The following KAZN variants were observed in gnomAD, a reference collection of about 807,000 sequenced individuals.
KAZN encodes kazrin.
Under a neutral mutation model 87.4 loss-of-function variants are expected in KAZN, and 40 were observed. The ratio of observed to expected loss-of-function variants is 0.46; its 90% CI spans 0.36 to 0.60. The LOEUF is 0.60. Among genes scored for constraint, KAZN ranks in the 20% least tolerant of loss-of-function variants. The pLI, the probability that KAZN is intolerant of heterozygous loss-of-function variation, is 0.00. For missense variants in KAZN, 898 were observed against 1,073.9 expected (o/e 0.84, Z 2.29); for synonymous variants, 466 against 458.3 (o/e 1.02, Z -0.22).
intron 1 of KAZN, among the ~76,000 whole-genome samples, chr1:14,882,734 A>G (rs1376702452): frequency 6.6e-6 from 1 of 152,100 alleles, no homozygotes; most frequent in Non-Finnish European, 1.5e-5. Context: ...ATTATAGCAC[A>G]GTTTTAAAAG....
intron 2 of KAZN, among the ~76,000 whole-genome samples, chr1:14,224,366 C>T (rs1477251450): frequency 6.6e-6 from 1 of 151,752 alleles, no homozygotes; most frequent in Non-Finnish European, 1.5e-5. Context: ...AAGGTTGTAC[C>T]GAAGCTGACA....
chr1:15,103,391 G>C lies in KAZN; in HGVS notation c.1812G>C (p.Thr604=). The C allele has an allele frequency of 6.4e-7, 1 of 1,552,112 alleles. No individual in the cohort carries two copies. Among genetic ancestry groups the C allele is most frequent in the Non-Finnish European group, 8.7e-7 (1 of 1,147,252 alleles). ...AGGAGCGCCGGGCCCGCTGCGAGAC[G>C]CAGAACATTGACCCCGTGGTGTGGA... ...ALQERRARCE[T]QNIDPVVWTN... is the part of the protein sequence containing the mutation. Residue 604 remains threonine (T), a synonymous_variant, in exon 12 of 15, where the codon ACG becomes ACC. Coordinates refer to ENST00000376030, the MANE Select transcript of KAZN (RefSeq NM_201628.3).
intron 2 of KAZN, among the ~76,000 whole-genome samples, chr1:14,324,288 G>T (rs1656248908): frequency 6.6e-6 from 1 of 152,180 alleles, no homozygotes; most frequent in South Asian, 2.1e-4. Context: ...GCACCTAAAT[G>T]AGGTCCCAAT....
chr1:13,935,079 A>G (rs1002360451), intron 1 of KAZN, among the ~76,000 whole-genome samples: 2 of 151,122 alleles, frequency 1.3e-5, no homozygotes, highest in Non-Finnish European at 2.9e-5. Context: ...TCTACTAAAG[A>G]TAGAAAAATT....
At chr1:14,481,954 G>A (rs1195150394) in intron 2 of KAZN, among the ~76,000 whole-genome samples, 4 of 152,204 alleles carry the variant, frequency 2.6e-5, no homozygotes, top group African/African-American at 4.8e-5. Flanking sequence ...GAGTGTCCAG[G>A]CAGATGGGCC....
intron 1 of KAZN, among the ~76,000 whole-genome samples, chr1:14,162,171 A>G (rs1645723492): frequency 6.6e-6 from 1 of 152,208 alleles, no homozygotes; most frequent in Non-Finnish European, 1.5e-5. Flanking sequence ...ATAAAAGATC[A>G]TGTTTGTAGC....
chr1:14,392,692 A>G (rs1215534077), intron 2 of KAZN, among the ~76,000 whole-genome samples: 4 of 152,054 alleles, frequency 2.6e-5, no homozygotes, highest in Admixed American at 1.3e-4. Context: ...CACCTCGGTC[A>G]TGACAATAGA....
intron 2 of KAZN, among the ~76,000 whole-genome samples, chr1:14,402,088 TAAA>T (rs36103725): frequency 3.6e-4 from 54 of 150,420 alleles, no homozygotes; most frequent in East Asian, 3.5e-3. Context: ...TGAGTCTATG[TAAA>T]AAAAAAAAAG....
At chr1:14,797,967 G>A (rs1645882807) in intron 1 of KAZN, among the ~76,000 whole-genome samples, 1 of 152,192 alleles carries the variant, frequency 6.6e-6, no homozygotes, top group Non-Finnish European at 1.5e-5. Context: ...GACAGGCACT[G>A]ATTCAGTTGC....
chr1:14,272,729 G>T (rs1193681155), intron 2 of KAZN, among the ~76,000 whole-genome samples: 1 of 152,004 alleles, frequency 6.6e-6, no homozygotes, highest in Non-Finnish European at 1.5e-5. Flanking sequence ...ATGGTGGCGG[G>T]TGCCTGTAAT....
intron 1 of KAZN, among the ~76,000 whole-genome samples, chr1:14,869,351 C>T (rs1651892882): frequency 6.6e-6 from 1 of 152,160 alleles, no homozygotes; most frequent in African/African-American, 2.4e-5. Context: ...ACTCTGGACT[C>T]TTTATGGAGC....
chr1:14,366,268 T>C (rs1443472504), intron 2 of KAZN, among the ~76,000 whole-genome samples: 1 of 152,228 alleles, frequency 6.6e-6, no homozygotes, highest in Non-Finnish European at 1.5e-5. Context: ...CCTCTGAACG[T>C]ACAAATGAAA....
intron 2 of KAZN, among the ~76,000 whole-genome samples, chr1:14,409,620 C>A (rs1052934377): frequency 6.6e-6 from 1 of 152,098 alleles, no homozygotes; most frequent in Non-Finnish European, 1.5e-5. Flanking sequence ...CAACACAAAA[C>A]GGCCAGAGAG....
chr1:14,570,799 A>G (rs543496047), intron 2 of KAZN, among the ~76,000 whole-genome samples: 14 of 152,328 alleles, frequency 9.2e-5, no homozygotes, highest in Admixed American at 7.8e-4. Flanking sequence ...TTGAGAAATT[A>G]CCAAACTGTT....
At chr1:14,984,342 A>T (rs1246993829) in intron 2 of KAZN, among the ~76,000 whole-genome samples, 1 of 151,914 alleles carries the variant, frequency 6.6e-6, no homozygotes, top group Non-Finnish European at 1.5e-5. Context: ...ATGCCACTCC[A>T]CTCCAGCCTG....
intron 1 of KAZN, among the ~76,000 whole-genome samples, chr1:14,854,306 G>T (rs948372159): frequency 6.6e-6 from 1 of 152,194 alleles, no homozygotes. Context: ...TTTTATGGAG[G>T]ACTCTTACAC....
intron 1 of KAZN, among the ~76,000 whole-genome samples, chr1:13,990,132 A>T (rs1639210639): frequency 6.6e-6 from 1 of 152,216 alleles, no homozygotes; most frequent in Non-Finnish European, 1.5e-5. Context: ...GTATAAAACC[A>T]AGCACACATC....
At chr1:13,955,376 G>A (rs1284065966) in intron 1 of KAZN, among the ~76,000 whole-genome samples, 1 of 152,006 alleles carries the variant, frequency 6.6e-6, no homozygotes, top group Non-Finnish European at 1.5e-5. Context: ...GTGGCCTCAA[G>A]TTTTTATATG....
At chr1:14,334,198 T>C (rs1657056087) in intron 2 of KAZN, among the ~76,000 whole-genome samples, 1 of 151,704 alleles carries the variant, frequency 6.6e-6, no homozygotes, top group African/African-American at 2.4e-5. Context: ...AAACCCCGTC[T>C]CTACTAAAAA....
Sources: gnomAD v4.1 joint callset for allele counts (sites outside exome capture counted in the v4.1 genomes callset) on GRCh38, gnomAD v4.1.1 for gene constraint, MANE v1.5 for transcripts, NCBI Gene and HGNC (gene_info 2026-07-23, HGNC 2026-07-21) for gene names.